Variants in ACACB observed in about 807,000 individuals in gnomAD.
ACACB encodes the protein acetyl-CoA carboxylase 2.
In ACACB, 209 loss-of-function variants were observed where a neutral mutation model predicts 278.8. The observed-to-expected ratio is 0.75, with a 90% CI of 0.67 to 0.84. The LOEUF (loss-of-function observed/expected upper bound fraction) is 0.84. ACACB is among the 40% of genes least tolerant of loss of function. The pLI is 0.00. For synonymous variants in ACACB, 1,174 were observed against 1,285.6 expected, an observed-to-expected ratio of 0.91 and a Z score of 1.86; for missense variants, 2,850 against 3,269.0, an observed-to-expected ratio of 0.87 and a Z score of 3.13.
intron 1 of ACACB, among the ~76,000 whole-genome samples, chr12:109,126,963 T>G (rs2042695086): frequency 6.6e-6 from 1 of 152,216 alleles, no homozygotes; most frequent in Admixed American, 6.5e-5. Context: ...TAGGATGGAA[T>G]GGTTTGGGAT....
intron 48 of ACACB, among the ~76,000 whole-genome samples, chr12:109,261,147 A>G (rs2047365969): frequency 6.6e-6 from 1 of 152,190 alleles, no homozygotes; most frequent in Non-Finnish European, 1.5e-5. Flanking sequence ...GATGATGACA[A>G]TAATGTTCAC....
At position 109,122,137 on chromosome 12, in the gene ACACB, G is replaced by A. The variant is rs79067621; in HGVS notation, c.-10+5433G>A. Among the ~76,000 whole-genome samples, 446 of 152,302 alleles carry A rather than the reference G, an allele frequency of 2.9e-3. 4 individuals are homozygous for A. Among genetic ancestry groups the A allele is most frequent in the African/African-American group, 9.5e-3 (396 of 41,554 alleles). On this transcript the variant is annotated intron_variant, in intron 1 of 52. Coordinates refer to ENST00000338432, the MANE Select transcript of ACACB (RefSeq NM_001093.4). Reference sequence around the variant, plus strand: ...GAGGCCGGTTTGCCAGGGCCATGTAGACCATGGAAAGGGGTGCAGTGAGCA... The same window carrying A: ...GAGGCCGGTTTGCCAGGGCCATGTAAACCATGGAAAGGGGTGCAGTGAGCA...
In ACACB at chr12:109,259,047, C is replaced by T. The variant is rs1223558084; in HGVS notation, c.6435C>T (p.Asn2145=). ...YKTAQAVKDF[N]REKLPLMIFA... The stretch of plus-strand genomic sequence containing the variant: ...CCGCCCAGGCCGTCAAGGACTTCAA[C>T]CGGGAGAAGTTGCCCCTGATGATCT... Residue 2145 remains asparagine, a synonymous_variant, in exon 47 of 53, where the codon AAC becomes AAT. Transcript: ENST00000338432. The T allele has an allele frequency of 1.9e-6, 3 of 1,614,142 alleles. No homozygotes were observed. The highest frequency in any genetic ancestry group is 8.5e-7 in the Non-Finnish European group (1 of 1,180,026).
intron 44 of ACACB, 47 bp from the exon 45 acceptor site, chr12:109,256,093 C>G: frequency 6.4e-7 from 1 of 1,568,230 alleles, no homozygotes; most frequent in Non-Finnish European, 8.8e-7. Flanking sequence ...CTGGGGGCCC[C>G]CAGCCACCTG....
Position 109,128,326 on chromosome 12 carries a change from C to CT in ACACB, c.-9-11064dup, listed in dbSNP as rs200779225. On this transcript the variant is annotated intron_variant, in intron 1 of 52. Transcript: ENST00000338432. ...ACCACACCTGGCTAATTTTTTTGGACTTTTTTTATTTTATTTTATTTTATT... is the reference window on the plus strand; with the variant it reads ...ACCACACCTGGCTAATTTTTTTGGACTTTTTTTTATTTTATTTTATTTTATT... Among the ~76,000 whole-genome samples, 3,490 of 151,366 alleles carry CT rather than the reference C, an allele frequency of 0.023. 225 individuals are homozygous for CT. In the East Asian group the frequency reaches 0.25, roughly 11 times the overall value.
intron 9 of ACACB, among the ~76,000 whole-genome samples, chr12:109,177,546 T>C (rs1376178732): frequency 6.6e-6 from 1 of 152,168 alleles, no homozygotes; most frequent in East Asian, 1.9e-4. Context: ...TGTATCGCTG[T>C]TGGGGTGTAC....
chr12:109,141,249 C>T (rs1593390850), intron 2 of ACACB, among the ~76,000 whole-genome samples: 1 of 152,102 alleles, frequency 6.6e-6, no homozygotes, highest in African/African-American at 2.4e-5. Flanking sequence ...AACCAGCCTT[C>T]CCCCAGTGAT....
intron 18 of ACACB, among the ~76,000 whole-genome samples, chr12:109,199,942 G>A (rs1452857929): frequency 6.6e-6 from 1 of 151,694 alleles, no homozygotes; most frequent in Non-Finnish European, 1.5e-5. Context: ...GAAGGCAGGA[G>A]GATGGCGTGA....
chr12:109,265,042 G>A, intron 50 of ACACB, 68 bp from the exon 51 acceptor site: 4 of 1,526,112 alleles, frequency 2.6e-6, no homozygotes, highest in Non-Finnish European at 2.7e-6. Context: ...ACTGTCATGG[G>A]TGTGGTCAGA....
At position 109,239,949 on chromosome 12, in the gene ACACB, C is replaced by T. The variant is rs778786924; in HGVS notation, c.4782C>T (p.Leu1594=). Residue 1594 remains leucine (L), a synonymous_variant, in exon 35 of 53, where the codon CTC becomes CTT. Coordinates refer to ENST00000338432, the MANE Select transcript of ACACB (RefSeq NM_001093.4). The part of the protein sequence containing the change: ...SVRTDCNHIF[L]NFVPTVIMDP... ...GCACCGACTGCAACCACATCTTCCTCAACTTCGTGCCCACTGTCATCATGG... is the reference window on the plus strand; with the variant it reads ...GCACCGACTGCAACCACATCTTCCTTAACTTCGTGCCCACTGTCATCATGG... 6.2e-7 allele frequency: 1 copy of T among 1,614,174 alleles called. No homozygotes were observed.
chr12:109,139,958 C>T lies in ACACB; in HGVS notation c.553C>T (p.Arg185Cys), dbSNP rs772690862. 3.1e-6 allele frequency: 5 copies of T among 1,614,090 alleles called. No individual in the cohort carries two copies. The highest frequency in any genetic ancestry group is 3.4e-6 in the Non-Finnish European group (4 of 1,180,028). Residue 185 changes from arginine to cysteine, a missense_variant, in exon 2 of 53, where the codon CGT (arginine) becomes TGT (cysteine). Around this residue, in one of 3 missense-constraint regions of ACACB, gnomAD observed 2,265 missense variants for 2,561.3 expected, o/e 0.88. Coordinates refer to ENST00000338432, the MANE Select transcript of ACACB (RefSeq NM_001093.4). ...CGAGGACTCTGTTGCTGGCTCATCT[C>T]GTGAGTCTACCCGGAAGGGCAGCCG... The part of the protein sequence containing the change: ...SDEDSVAGSS[R>C]ESTRKGSRAS...
intron 13 of ACACB, 103 bp from the exon 14 acceptor site, chr12:109,191,510 G>A (rs192130959): frequency 1.3e-4 from 192 of 1,465,838 alleles, no homozygotes; most frequent in Non-Finnish European, 1.6e-4. Context: ...CACCACACCC[G>A]GCCACTCCTG....
At chr12:109,252,978 C>T (rs770480966) in intron 42 of ACACB, 37 bp from the exon 43 acceptor site, 44 of 1,542,354 alleles carry the variant, frequency 2.9e-5, no homozygotes, top group East Asian at 1.1e-4. Context: ...AGCCCTGCAC[C>T]GTGCAGGACA....
At chr12:109,205,869 C>T (rs1035529882) in intron 19 of ACACB, among the ~76,000 whole-genome samples, 1 of 152,048 alleles carries the variant, frequency 6.6e-6, no homozygotes, top group Non-Finnish European at 1.5e-5. Context: ...GAACAGCACC[C>T]CAGCACTGTG....
intron 9 of ACACB, among the ~76,000 whole-genome samples, chr12:109,178,593 G>C (rs763483153): frequency 4.6e-5 from 7 of 152,216 alleles, no homozygotes; most frequent in Non-Finnish European, 7.3e-5. Flanking sequence ...ATATGTTGCA[G>C]GTAGTGACTA....
intron 13 of ACACB, among the ~76,000 whole-genome samples, chr12:109,188,933 A>C (rs1015030352): frequency 6.6e-6 from 1 of 152,142 alleles, no homozygotes; most frequent in African/African-American, 2.4e-5. Context: ...CCGAAGACTA[A>C]ATTTTAAGGA....
Position 109,201,605 on chromosome 12 carries a change from A to T in ACACB, c.2817A>T (p.Arg939Ser), listed in dbSNP as rs144385811. 9.8e-5 allele frequency: 158 copies of T among 1,614,200 alleles called. 1 individual carries two copies. The African/African-American group carries it at 1.5e-3, about 15-fold the overall frequency. Residue 939 changes from arginine to serine, a missense_variant, in exon 19 of 53, where the codon AGA (arginine) becomes AGT (serine). By Grantham distance (110) the Arg-to-Ser change is moderately radical (BLOSUM62 -1). Around this residue, in one of 3 missense-constraint regions of ACACB, gnomAD observed 2,265 missense variants for 2,561.3 expected, o/e 0.88. Coordinates refer to ENST00000338432, the MANE Select transcript of ACACB (RefSeq NM_001093.4). ...KMIMTLNVQE[R>S]GRVKYIKRPG... The stretch of plus-strand genomic sequence containing the variant: ...TCATGACCCTGAACGTTCAGGAAAG[A>T]GGCCGGGTGAAGTACATCAAGCGTC...
chr12:109,245,456 C>T (rs893685918), intron 37 of ACACB, among the ~76,000 whole-genome samples, 170 bp from the exon 38 acceptor site: 6 of 152,122 alleles, frequency 3.9e-5, no homozygotes, highest in Non-Finnish European at 5.9e-5. Context: ...TTGACAGAGC[C>T]ACTGGATGGG....
intron 1 of ACACB, chr12:109,125,598 A>G (rs1277035107): frequency 1.3e-5 from 2 of 152,166 alleles, no homozygotes; most frequent in Non-Finnish European, 2.9e-5. Flanking sequence ...TAGGTAAATC[A>G]CTTAGCGCAA....
Sources: allele counts gnomAD v4.1 joint callset (sites outside exome capture counted in the v4.1 genomes callset), GRCh38; gene constraint gnomAD v4.1.1; regional missense constraint gnomAD v4.1.1; transcripts MANE v1.5; gene names NCBI Gene and HGNC (gene_info 2026-07-23, HGNC 2026-07-21).